The following SP100 variants were observed in gnomAD, a reference collection of about 807,000 sequenced individuals.
SP100 encodes nuclear autoantigen Sp-100.
A neutral mutation model predicts 130.0 loss-of-function variants in SP100; 84 were observed. The ratio of observed to expected loss-of-function variants is 0.65; its 90% CI spans 0.54 to 0.77. SP100 has a LOEUF of 0.77. SP100 is among the 30% of genes least tolerant of loss of function. SP100 has a pLI of 0.00. For missense variants in SP100, 978 were observed against 1,052.2 expected, an observed-to-expected ratio of 0.93 and a Z score of 0.97; for synonymous variants, 331 against 351.7, an observed-to-expected ratio of 0.94 and a Z score of 0.66.
intron 8 of SP100, among the ~76,000 whole-genome samples, chr2:230,455,190 T>C (rs1216590050): frequency 1.3e-5 from 2 of 152,142 alleles, no homozygotes; most frequent in Non-Finnish European, 2.9e-5. Flanking sequence ...TCCCCCCAAG[T>C]AGCTGAGATG....
At chr2:230,523,461 G>A (rs114177107) in intron 24 of SP100, among the ~76,000 whole-genome samples, 1,968 of 152,192 alleles carry the variant, frequency 0.013, 39 homozygotes, top group African/African-American at 0.044. Flanking sequence ...GAGTTTAGAC[G>A]TTTGAGACCA....
At chr2:230,504,073 G>A in intron 20 of SP100, 113 bp from the exon 21 acceptor site, 1 of 598,208 alleles carries the variant, frequency 1.7e-6, no homozygotes, top group East Asian at 2.8e-5. Context: ...ATTCATGGGG[G>A]AAATACCTCC....
chr2:230,510,946 T>A, intron 23 of SP100, 179 bp from the exon 24 acceptor site: 2 of 638,706 alleles, frequency 3.1e-6, no homozygotes, highest in Non-Finnish European at 2.8e-6. Flanking sequence ...AAACTGTCAC[T>A]GACACATAAT....
At chr2:230,481,507 C>A (rs1325668928) in intron 17 of SP100, among the ~76,000 whole-genome samples, 1 of 152,166 alleles carries the variant, frequency 6.6e-6, no homozygotes, top group Non-Finnish European at 1.5e-5. Context: ...TTCTTTATCT[C>A]CCCTGCCACT....
At chr2:230,502,922 C>A in intron 19 of SP100, 144 bp from the exon 20 acceptor site, 1 of 599,452 alleles carries the variant, frequency 1.7e-6, no homozygotes, top group East Asian at 2.8e-5. Context: ...CTATCTGTCC[C>A]TTTACAAAAA....
At chr2:230,448,036 A>T (rs1280753832) in intron 5 of SP100, among the ~76,000 whole-genome samples, 1 of 152,332 alleles carries the variant, frequency 6.6e-6, no homozygotes, top group Admixed American at 6.5e-5. Flanking sequence ...GTTATGACTT[A>T]AGATGTTTTA....
intron 15 of SP100, chr2:230,470,406 T>C: frequency 9.8e-7 from 1 of 1,019,358 alleles, no homozygotes; most frequent in East Asian, 9.4e-5. Flanking sequence ...ACTAAGATCT[T>C]AGATTTTTAT....
intron 16 of SP100, 133 bp downstream of exon 16, chr2:230,473,573 C>T: frequency 1.8e-6 from 1 of 556,314 alleles, no homozygotes; most frequent in East Asian, 2.9e-5. Context: ...GAAGTGGGCC[C>T]ACAGGCCCCA....
At chr2:230,460,519 C>G (rs1260846706) in intron 8 of SP100, among the ~76,000 whole-genome samples, 1 of 147,448 alleles carries the variant, frequency 6.8e-6, no homozygotes, top group Non-Finnish European at 1.5e-5. Flanking sequence ...TGGTAGTTGT[C>G]TTTGAGCAAG....
chr2:230,485,922 A>T (rs954426518), intron 17 of SP100, among the ~76,000 whole-genome samples: 1 of 152,130 alleles, frequency 6.6e-6, no homozygotes. Context: ...TATTCATTTT[A>T]TGTGCATGTG....
intron 8 of SP100, among the ~76,000 whole-genome samples, chr2:230,460,219 T>C (rs996125248): frequency 1.3e-5 from 2 of 152,220 alleles, no homozygotes; most frequent in African/African-American, 2.4e-5. Flanking sequence ...GCATTATTCA[T>C]AGAAGCCAAA....
intron 2 of SP100, among the ~76,000 whole-genome samples, chr2:230,431,049 T>A (rs762554573): frequency 2.0e-5 from 3 of 152,214 alleles, no homozygotes; most frequent in Admixed American, 6.5e-5. Context: ...TACTTAGAAC[T>A]GCTGACCATG....
intron 8 of SP100, among the ~76,000 whole-genome samples, chr2:230,458,954 G>A (rs902827942): frequency 6.6e-6 from 1 of 152,146 alleles, no homozygotes; most frequent in Admixed American, 6.5e-5. Flanking sequence ...GGGACAACAG[G>A]CCTGGCACGA....
intron 24 of SP100, chr2:230,515,735 C>G: frequency 6.6e-7 from 1 of 1,517,290 alleles, no homozygotes; most frequent in Non-Finnish European, 8.7e-7. Context: ...CAACGTAAGA[C>G]TGTGTAAGAT....
In SP100 at chr2:230,417,648, C is replaced by G. The variant is rs1303142162; in HGVS notation, c.90C>G (p.His30Gln). The G allele has an allele frequency of 6.2e-6, 10 of 1,612,714 alleles. No homozygotes were observed. The highest frequency in any genetic ancestry group is 1.3e-5 in the African/African-American group (1 of 74,914). Residue 30 changes from histidine (H) to glutamine (Q), a missense_variant, in exon 2 of 29, where the codon CAC (histidine) becomes CAG (glutamine). Transcript: ENST00000340126. ...VANEMNHLPA[H>Q]SHDLQRMFTE... ...ATGAGATGAACCATCTTCCTGCACA[C>G]AGCCACGATTTGCAAAGGTGATGAA... is the stretch of plus-strand genomic sequence containing the variant.
intron 24 of SP100, among the ~76,000 whole-genome samples, chr2:230,521,180 G>A (rs1284905984): frequency 6.6e-6 from 1 of 152,124 alleles, no homozygotes; most frequent in Non-Finnish European, 1.5e-5. Context: ...CAGAGAAAAG[G>A]GAGTCTGCCA....
chr2:230,446,782 A>G, intron 4 of SP100, 37 bp from the exon 5 acceptor site: 1 of 1,290,094 alleles, frequency 7.8e-7, no homozygotes, highest in African/African-American at 1.5e-5. Context: ...TGGTCCCTGT[A>G]GATCTCTAAT....
intron 17 of SP100, among the ~76,000 whole-genome samples, chr2:230,484,353 C>A (rs958876888): frequency 6.6e-6 from 1 of 152,180 alleles, no homozygotes; most frequent in African/African-American, 2.4e-5. Flanking sequence ...AACTAATAGA[C>A]AAATTTGCAG....
chr2:230,542,226 G>A (rs1692206058), intron 28 of SP100, among the ~76,000 whole-genome samples, 191 bp downstream of exon 28: 1 of 152,102 alleles, frequency 6.6e-6, no homozygotes, highest in Non-Finnish European at 1.5e-5. Flanking sequence ...AAACTGGAAG[G>A]TGCCATTGCA....
Sources: allele counts gnomAD v4.1 joint callset (sites outside exome capture counted in the v4.1 genomes callset), GRCh38; gene constraint gnomAD v4.1.1; transcripts MANE v1.5; gene names NCBI Gene and HGNC (gene_info 2026-07-23, HGNC 2026-07-21).